Variants in EGF observed in about 807,000 individuals in gnomAD.
The protein encoded by EGF is epidermal growth factor.
EGF carries 95 observed loss-of-function variants against 143.8 expected under a neutral mutation model. The observed-to-expected ratio is 0.66, with a 90% CI of 0.56 to 0.78. The LOEUF is 0.78. Among genes scored for constraint, EGF ranks in the 30% least tolerant of loss-of-function variants. The pLI, the probability that EGF is intolerant of heterozygous loss-of-function variation, is 0.00. For synonymous variants in EGF, 510 were observed against 510.5 expected, an observed-to-expected ratio of 1.00 and a Z score of 0.01; for missense variants, 1,320 against 1,470.9, an observed-to-expected ratio of 0.90 and a Z score of 1.68.
At chr4:109,954,365 T>C (rs1414955421) in intron 5 of EGF, among the ~76,000 whole-genome samples, 1 of 152,200 alleles carries the variant, frequency 6.6e-6, no homozygotes, top group Non-Finnish European at 1.5e-5. Flanking sequence ...AGCATTATTT[T>C]TAAAGTGCTT....
chr4:109,979,315 A>G (rs1200435680), intron 13 of EGF, among the ~76,000 whole-genome samples: 1 of 152,086 alleles, frequency 6.6e-6, no homozygotes, highest in African/African-American at 2.4e-5. Context: ...GAACAAAGCT[A>G]GTGGAATGAA....
At chr4:109,933,112 T>C (rs1259703809) in intron 1 of EGF, among the ~76,000 whole-genome samples, 4 of 152,212 alleles carry the variant, frequency 2.6e-5, no homozygotes, top group Non-Finnish European at 4.4e-5. Flanking sequence ...TTTCCCATAA[T>C]AATCCTCTGA....
At chr4:109,918,877 G>C (rs1221370296) in intron 1 of EGF, among the ~76,000 whole-genome samples, 1 of 152,122 alleles carries the variant, frequency 6.6e-6, no homozygotes, top group African/African-American at 2.4e-5. Context: ...GAAGGGACTT[G>C]CCAGACATCT....
Position 109,959,425 on chromosome 4 carries a change from A to G in EGF, c.1054A>G (p.Lys352Glu), listed in dbSNP as rs759220369. 3.1e-6 allele frequency: 5 copies of G among 1,613,718 alleles called. No homozygotes were observed. The highest frequency in any genetic ancestry group is 3.4e-6 in the Non-Finnish European group (4 of 1,179,836). ...AEGYALSRDR[K>E]YCEDVNECAF... Reference sequence around the variant, plus strand: ...GGGATACGCCCTAAGTCGAGACCGGAAGTACTGTGAAGGTAATGACTGGAA... The same window carrying G: ...GGGATACGCCCTAAGTCGAGACCGGGAGTACTGTGAAGGTAATGACTGGAA... Residue 352 changes from lysine (K) to glutamate (E), a missense_variant, in exon 6 of 24, where the codon AAG becomes GAG. By Grantham distance (56) the Lys-to-Glu change is moderately conservative (BLOSUM62 1). Coordinates refer to ENST00000265171, the MANE Select transcript of EGF (RefSeq NM_001963.6).
chr4:109,986,390 G>A (rs924087925), intron 16 of EGF, among the ~76,000 whole-genome samples: 3 of 152,140 alleles, frequency 2.0e-5, no homozygotes, highest in Non-Finnish European at 4.4e-5. Context: ...AATTGATTTG[G>A]TCTGATCTTA....
chr4:109,949,549 A>C (rs1279880095), intron 5 of EGF, among the ~76,000 whole-genome samples: 2 of 150,050 alleles, frequency 1.3e-5, no homozygotes, highest in African/African-American at 4.9e-5. Flanking sequence ...AACCCATGTC[A>C]TTTTTCTGTT....
chr4:109,962,056 T>C, intron 8 of EGF, 71 bp downstream of exon 8: 1 of 1,601,548 alleles, frequency 6.2e-7, no homozygotes, highest in South Asian at 1.1e-5. Flanking sequence ...ATCTAAAAAT[T>C]GATCTTGTTG....
At chr4:109,936,093 A>G (rs28889289) in intron 1 of EGF, among the ~76,000 whole-genome samples, 2,685 of 152,138 alleles carry the variant, frequency 0.018, 88 homozygotes, top group African/African-American at 0.061. Context: ...CTCTTTTTCT[A>G]TTGATTGGAA....
chr4:109,961,961 G>T lies in EGF; in HGVS notation c.1288G>T (p.Glu430Ter). 3 of 1,613,880 alleles carry T rather than the reference G, an allele frequency of 1.9e-6. No individual in the cohort carries two copies. Among genetic ancestry groups the T allele is most frequent in the Non-Finnish European group, 2.5e-6 (3 of 1,179,810 alleles). The change falls in exon 8 of 24, where the codon GAG becomes TAG. Residue 430 changes from glutamate to a stop codon, truncating the protein, a stop_gained. Transcript: ENST00000265171. LOFTEE classifies it high-confidence loss of function. ...TTTCTGTCCTGAAGGCTCAGTGCTT[G>T]AGAGAGATGGGAAAACATGTAGCGG... Reference protein sequence around the residue: ...LCFCPEGSVLERDGKTCSGCS... With the variant: ...LCFCPEGSVL
intron 11 of EGF, among the ~76,000 whole-genome samples, chr4:109,969,553 G>C (rs1747235943): frequency 6.6e-6 from 1 of 151,750 alleles, no homozygotes; most frequent in African/African-American, 2.4e-5. Context: ...GTATATCTAT[G>C]TAATAAACCT....
chr4:109,927,140 T>C (rs1391060093), intron 1 of EGF, among the ~76,000 whole-genome samples: 1 of 152,206 alleles, frequency 6.6e-6, no homozygotes, highest in Non-Finnish European at 1.5e-5. Context: ...TCAACAAAAT[T>C]TGTGAATAAT....
intron 11 of EGF, among the ~76,000 whole-genome samples, chr4:109,969,548 T>G (rs2298987): frequency 6.6e-6 from 1 of 151,788 alleles, no homozygotes; most frequent in Non-Finnish European, 1.5e-5. Context: ...CACATGTATA[T>G]CTATGTAATA....
chr4:109,949,422 G>A (rs543319300), intron 5 of EGF, among the ~76,000 whole-genome samples: 3 of 152,034 alleles, frequency 2.0e-5, no homozygotes, highest in African/African-American at 7.2e-5. Context: ...AAAACCTTTC[G>A]GGGCCAAGTG....
At chr4:110,007,352 C>CCGATCTTGGGGCAGTAA (rs1340363383) in intron 22 of EGF, among the ~76,000 whole-genome samples, 8 of 152,178 alleles carry the variant, frequency 5.3e-5, no homozygotes, top group Non-Finnish European at 1.2e-4. Context: ...TCGGCCAAAA[C>CCGATCTTGGGGCAGTAA]CTTGGGGCAG....
chr4:109,940,738 T>G, intron 1 of EGF: 1 of 568,974 alleles, frequency 1.8e-6, no homozygotes, highest in South Asian at 2.2e-5. Context: ...GTTCATGTCT[T>G]ATAATCAGTT....
Position 110,011,901 on chromosome 4 carries a change from C to T in EGF, c.*446C>T, listed in dbSNP as rs534531408. ...TGAAATGATTGGAATATTACAATACCGTTAAGATACAGTGTAGGCATTTAA... is the reference window on the plus strand; with the variant it reads ...TGAAATGATTGGAATATTACAATACTGTTAAGATACAGTGTAGGCATTTAA... On this transcript the variant is annotated 3_prime_UTR_variant, in exon 24 of 24. Coordinates refer to ENST00000265171, the MANE Select transcript of EGF (RefSeq NM_001963.6). 44 of 209,656 alleles carry T rather than the reference C, an allele frequency of 2.1e-4. No individual in the cohort carries two copies. The South Asian group carries it at 2.8e-3, about 13-fold the overall frequency. The allele number at this position is 209,656 out of a possible 1,614,324, so 13.0% of individuals were successfully genotyped here.
At position 109,999,657 on chromosome 4, in the gene EGF, C is replaced by T. The variant is rs780854462; in HGVS notation, c.3006-22C>T. The T allele has an allele frequency of 6.8e-6, 11 of 1,614,022 alleles. No homozygotes were observed. In the African/African-American group the frequency reaches 1.2e-4, roughly 18 times the overall value. ...TTTTTGGCCAGGCATCTCTGATGAC[C>T]TCTGTTTGTGTGTTGTCACAGCTGT... On this transcript the variant is annotated intron_variant, in intron 20 of 23. Transcript: ENST00000265171.
At position 109,999,764 on chromosome 4, in the gene EGF, CAGA is replaced by C; in HGVS notation, c.3094_3096del (p.Lys1032del). The C allele has an allele frequency of 6.2e-7, 1 of 1,614,100 alleles. No homozygotes were observed. The highest frequency in any genetic ancestry group is 8.5e-7 in the Non-Finnish European group (1 of 1,180,028). ...GCGCCACGCTGGCCACGGGCAGCAG[CAGA>C]AGGTCATCGTGGTGGCTGTCTGCGT... On this transcript the variant is annotated inframe_deletion, in exon 21 of 24. Transcript: ENST00000265171.
chr4:110,009,182 T>A (rs1267868161), intron 23 of EGF, among the ~76,000 whole-genome samples: 2 of 152,178 alleles, frequency 1.3e-5, no homozygotes, highest in South Asian at 2.1e-4. Flanking sequence ...TACAACTTTA[T>A]TACCTAATTT....
Sources: allele counts gnomAD v4.1 joint callset (sites outside exome capture counted in the v4.1 genomes callset), GRCh38; gene constraint gnomAD v4.1.1; transcripts MANE v1.5; gene names NCBI Gene and HGNC (gene_info 2026-07-23, HGNC 2026-07-21).